ADAMTS2: variants seen among roughly 807,000 people sequenced by gnomAD.
ADAMTS2 encodes the protein ADAM metallopeptidase with thrombospondin type 1 motif 2, also known as A disintegrin and metalloproteinase with thrombospondin motifs 2.
Under a neutral mutation model 123.0 loss-of-function variants are expected in ADAMTS2, and 50 were observed. The observed-to-expected ratio is 0.41, with a 90% CI of 0.32 to 0.51. The LOEUF (loss-of-function observed/expected upper bound fraction) is 0.51. ADAMTS2 is among the 20% of genes least tolerant of loss of function. ADAMTS2 has a pLI of 0.35. For missense variants in ADAMTS2, 1,494 were observed against 1,705.2 expected, an observed-to-expected ratio of 0.88 and a Z score of 2.18; for synonymous variants, 678 against 695.4, an observed-to-expected ratio of 0.98 and a Z score of 0.39.
rs773175248 is a variant in ADAMTS2, at chr5:179,242,029, A to T, written c.688+30882T>A. Among the ~76,000 whole-genome samples, 35 of 152,200 alleles carry T rather than the reference A, an allele frequency of 2.3e-4. No individual in the cohort carries two copies. Among genetic ancestry groups the T allele is most frequent in the Admixed American group, 6.5e-5 (1 of 15,278 alleles). On this transcript the variant is annotated intron_variant, in intron 3 of 21. Coordinates refer to ENST00000251582, the MANE Select transcript of ADAMTS2 (RefSeq NM_014244.5). The surrounding 1 kb of genome is among the most constrained non-coding windows in gnomAD (Gnocchi z 4.2). ...ACCTGGTACTCAATGCCCTCAGCAC[A>T]GTGATTGGTCCAGGGGGTGAACACA...
At chr5:179,318,627 G>T (rs1366914974) in intron 2 of ADAMTS2, among the ~76,000 whole-genome samples, 1 of 152,230 alleles carries the variant, frequency 6.6e-6, no homozygotes, top group Non-Finnish European at 1.5e-5. Context: ...CCACTGTCCA[G>T]TGGCTGGCAT....
chr5:179,252,130 C>T (rs1220901475), intron 3 of ADAMTS2, among the ~76,000 whole-genome samples: 2 of 151,870 alleles, frequency 1.3e-5, no homozygotes, highest in Non-Finnish European at 2.9e-5. Context: ...GCCTCAGCCT[C>T]CCAAGTAGCT....
intron 2 of ADAMTS2, among the ~76,000 whole-genome samples, chr5:179,273,702 C>G (rs1766610657): frequency 6.6e-6 from 1 of 152,096 alleles, no homozygotes; most frequent in African/African-American, 2.4e-5. Flanking sequence ...CTACTGCCCC[C>G]CAACTGTCTC....
chr5:179,113,873 CT>C lies in ADAMTS2; in HGVS notation c.3629del (p.Lys1210SerfsTer8). ...ATGCTATCTTTCCATTTTATTAGAACTTTCCGAGCATCTCTTTCTTCCGCAT... is the reference window on the plus strand; with the variant it reads ...ATGCTATCTTTCCATTTTATTAGAACTTCCGAGCATCTCTTTCTTCCGCAT... ...DEMRKKEMLG[K>X]F is the part of the protein sequence containing the mutation. On this transcript the variant is annotated frameshift_variant, in exon 22 of 22. Transcript: ENST00000251582. LOFTEE classifies it high-confidence loss of function. The C allele has an allele frequency of 3.1e-6, 5 of 1,614,122 alleles. No homozygotes were observed. The highest frequency in any genetic ancestry group is 2.2e-5 in the South Asian group (2 of 91,084).
rs531512526 is a variant in ADAMTS2 at position 179,220,477 on chromosome 5, T to C, written c.689-12762A>G. ...CCTCAGGTACCTCACACTCAGAAGG[T>C]CCAGGGCCTGCTGCCTCCTCTGCCC... On this transcript the variant is annotated intron_variant, in intron 3 of 21. Coordinates refer to ENST00000251582, the MANE Select transcript of ADAMTS2 (RefSeq NM_014244.5). Among the ~76,000 whole-genome samples, 279 of 152,250 alleles carry C rather than the reference T, an allele frequency of 1.8e-3. 1 individual carries two copies. The highest frequency in any genetic ancestry group is 5.4e-3 in the African/African-American group (226 of 41,548).
At chr5:179,343,432 T>A (rs1365916461) in intron 2 of ADAMTS2, among the ~76,000 whole-genome samples, 1 of 151,964 alleles carries the variant, frequency 6.6e-6, no homozygotes, top group Non-Finnish European at 1.5e-5. Flanking sequence ...GTGCACACAC[T>A]CACAAAGGTA....
At chr5:179,301,920 G>A (rs1310797286) in intron 2 of ADAMTS2, among the ~76,000 whole-genome samples, 2 of 152,226 alleles carry the variant, frequency 1.3e-5, no homozygotes, top group African/African-American at 2.4e-5. Context: ...AGAGGAGCGA[G>A]GGCAGGCCCC....
At chr5:179,336,685 C>G (rs952249614) in intron 2 of ADAMTS2, among the ~76,000 whole-genome samples, 1 of 152,232 alleles carries the variant, frequency 6.6e-6, no homozygotes, top group South Asian at 2.1e-4. Flanking sequence ...TAGGCGCTTG[C>G]TGCACACCCA....
Position 179,228,313 on chromosome 5 carries a change from G to A in ADAMTS2, c.689-20598C>T, listed in dbSNP as rs964416524. ...ACACATAGAAAACCTGAGGCCCACA[G>A]AGGTGACAGGAACGGGCCAGGTGCA... On this transcript the variant is annotated intron_variant, in intron 3 of 21. Coordinates refer to ENST00000251582, the MANE Select transcript of ADAMTS2 (RefSeq NM_014244.5). This position sits in a 1 kb window ranked among gnomAD's most constrained non-coding sequence, Gnocchi z 5.2. 1.3e-5 allele frequency among the ~76,000 whole-genome samples: 2 copies of A among 152,242 alleles called. No homozygotes were observed. Among genetic ancestry groups the A allele is most frequent in the African/African-American group, 2.4e-5 (1 of 41,472 alleles).
In ADAMTS2 at chr5:179,234,959, C is replaced by A. The variant is rs537824192; in HGVS notation, c.689-27244G>T. Among the ~76,000 whole-genome samples, 1 of 152,314 alleles carries A rather than the reference C, an allele frequency of 6.6e-6. No individual in the cohort carries two copies. Among genetic ancestry groups the A allele is most frequent in the East Asian group, 1.9e-4 (1 of 5,174 alleles). On this transcript the variant is annotated intron_variant, in intron 3 of 21. Transcript: ENST00000251582. The surrounding 1 kb of genome is among the most constrained non-coding windows in gnomAD (Gnocchi z 4.7). ...TGATGGGCCTGACCTGCCTGCCAAC[C>A]CTCCCAGGGACCTGCTCATGTTCCC...
chr5:179,121,840 G>C, intron 20 of ADAMTS2, 90 bp from the exon 21 acceptor site: 1 of 898,552 alleles, frequency 1.1e-6, no homozygotes, highest in African/African-American at 1.7e-5. Flanking sequence ...CCGGGGTCCT[G>C]GGGAAGCGTC....
Position 179,314,773 on chromosome 5 carries a change from C to T in ADAMTS2, c.534+28994G>A, listed in dbSNP as rs899450816. ...CCTGTCCCCCGCCAGTGCCCCCAAC[C>T]TCTACTCCAGCAGACCTCCACCTAC... On this transcript the variant is annotated intron_variant, in intron 2 of 21. Coordinates refer to ENST00000251582, the MANE Select transcript of ADAMTS2 (RefSeq NM_014244.5). This position sits in a 1 kb window ranked among gnomAD's most constrained non-coding sequence, Gnocchi z 4.5. Among the ~76,000 whole-genome samples, 1 of 152,190 alleles carries T rather than the reference C, an allele frequency of 6.6e-6. No homozygotes were observed. Among genetic ancestry groups the T allele is most frequent in the Non-Finnish European group, 1.5e-5 (1 of 68,034 alleles).
chr5:179,143,429 G>GAAAAAAAAAAAA (rs546474818), intron 10 of ADAMTS2, among the ~76,000 whole-genome samples: 1 of 77,228 alleles, frequency 1.3e-5, no homozygotes, highest in African/African-American at 4.4e-5. Flanking sequence ...ACTCTGTCTC[G>GAAAAAAAAAAAA]AAAAAAAAAA....
intron 4 of ADAMTS2, among the ~76,000 whole-genome samples, chr5:179,200,491 C>T (rs1054414237): frequency 4.6e-5 from 7 of 152,134 alleles, no homozygotes; most frequent in African/African-American, 1.7e-4. Context: ...TCAAGTGATC[C>T]GCCCGCCTTG....
chr5:179,221,972 TGC>T (rs1765137377), intron 3 of ADAMTS2, among the ~76,000 whole-genome samples: 1 of 152,156 alleles, frequency 6.6e-6, no homozygotes, highest in South Asian at 2.1e-4. Flanking sequence ...CTCTCAGACC[TGC>T]CTCTCCCACG....
At chr5:179,166,692 G>A (rs965204604) in intron 5 of ADAMTS2, among the ~76,000 whole-genome samples, 1 of 152,206 alleles carries the variant, frequency 6.6e-6, no homozygotes, top group Non-Finnish European at 1.5e-5. Context: ...TCCTGCGTGC[G>A]ATCGGTCACC....
chr5:179,223,365 CTCACAA>C (rs1765176018), intron 3 of ADAMTS2, among the ~76,000 whole-genome samples: 1 of 125,528 alleles, frequency 8.0e-6, no homozygotes, highest in Non-Finnish European at 1.8e-5. Context: ...CACTCAGACA[CTCACAA>C]ACACGCACAC....
At chr5:179,328,177 C>T (rs1033248164) in intron 2 of ADAMTS2, among the ~76,000 whole-genome samples, 4 of 152,172 alleles carry the variant, frequency 2.6e-5, no homozygotes, top group Non-Finnish European at 5.9e-5. Flanking sequence ...GGACTACAGG[C>T]GCGCACCACC....
intron 3 of ADAMTS2, among the ~76,000 whole-genome samples, chr5:179,233,802 C>T (rs1337974869): frequency 6.6e-6 from 1 of 152,194 alleles, no homozygotes; most frequent in African/African-American, 2.4e-5. Context: ...TCCAGGTCCC[C>T]AAGGACCAGG....
Sources: allele counts gnomAD v4.1 joint callset (sites outside exome capture counted in the v4.1 genomes callset), GRCh38; gene constraint gnomAD v4.1.1; non-coding constraint Gnocchi (gnomAD v3.1); transcripts MANE v1.5; gene names NCBI Gene and HGNC (gene_info 2026-07-23, HGNC 2026-07-21).